Variants in CACNA1C observed in about 807,000 individuals in gnomAD.
The protein encoded by CACNA1C is voltage-dependent L-type calcium channel subunit alpha-1C.
Under a neutral mutation model 229.0 loss-of-function variants are expected in CACNA1C, and 30 were observed. That is an observed-to-expected ratio of 0.13 (90% CI 0.10 to 0.18). The LOEUF is 0.18. Among genes scored for constraint, CACNA1C ranks in the 10% least tolerant of loss-of-function variants. The probability of loss-of-function intolerance (pLI) is 1.00; values close to 1 mark genes in which losing one functional copy is unlikely to be tolerated. For missense variants in CACNA1C, 1,658 were observed against 2,845.0 expected (o/e 0.58, Z 9.49); for synonymous variants, 1,114 against 1,132.5 (o/e 0.98, Z 0.33).
chr12:2,472,683 CT>C (rs1192801609), intron 5 of CACNA1C, among the ~76,000 whole-genome samples: 2 of 152,162 alleles, frequency 1.3e-5, no homozygotes, highest in Admixed American at 6.5e-5. Flanking sequence ...TCTGAACAAT[CT>C]CATTTTTTGT....
Position 2,014,121 on chromosome 12 carries a change from C to T in CACNA1C, c.139+42920C>T, listed in dbSNP as rs775648363. 6.6e-5 allele frequency among the ~76,000 whole-genome samples: 10 copies of T among 152,134 alleles called. 1 individual carries two copies. The highest frequency in any genetic ancestry group is 1.0e-4 in the Non-Finnish European group (7 of 68,030). ...GACCAGGACTGCAGCCAGCCAGGCC[C>T]GTGTTATTAACAGGGCTGGCTCCGT... On this transcript the variant is annotated intron_variant, in intron 1 of 46. Coordinates refer to the CACNA1C transcript ENST00000682462.
intron 3 of CACNA1C, among the ~76,000 whole-genome samples, chr12:2,289,726 C>G (rs2093249586): frequency 6.6e-6 from 1 of 151,906 alleles, no homozygotes; most frequent in Non-Finnish European, 1.5e-5. Flanking sequence ...GGGCAATGAT[C>G]CAAGCTGCCG....
intron 3 of CACNA1C, among the ~76,000 whole-genome samples, chr12:2,183,233 A>G (rs537192416): frequency 6.9e-6 from 1 of 144,802 alleles, no homozygotes; most frequent in South Asian, 2.3e-4. Context: ...GCCACTTAAC[A>G]TAATTCCTGG....
At chr12:2,671,323 T>C (rs886247770) in intron 38 of CACNA1C, among the ~76,000 whole-genome samples, 1 of 152,310 alleles carries the variant, frequency 6.6e-6, no homozygotes, top group East Asian at 1.9e-4. Context: ...AAAACACACA[T>C]TTAATTCACA....
intron 3 of CACNA1C, among the ~76,000 whole-genome samples, chr12:2,366,235 A>C (rs1291444029): frequency 6.6e-6 from 1 of 152,196 alleles, no homozygotes; most frequent in Non-Finnish European, 1.5e-5. Flanking sequence ...TCTGAACTTC[A>C]CTGAACAGGT....
chr12:2,462,654 C>T (rs2099518482), intron 5 of CACNA1C, among the ~76,000 whole-genome samples: 4 of 152,232 alleles, frequency 2.6e-5, no homozygotes, highest in Admixed American at 2.6e-4. Flanking sequence ...CTTCACATCA[C>T]AGGCCCTAAG....
chr12:2,269,178 C>T (rs2083693190), intron 3 of CACNA1C, among the ~76,000 whole-genome samples: 1 of 152,212 alleles, frequency 6.6e-6, no homozygotes, highest in African/African-American at 2.4e-5. Context: ...AGGAAAATGA[C>T]TTCAATATGC....
chr12:2,455,773 T>C (rs1403368471), intron 4 of CACNA1C, among the ~76,000 whole-genome samples: 1 of 152,156 alleles, frequency 6.6e-6, no homozygotes, highest in Non-Finnish European at 1.5e-5. Flanking sequence ...CCACCGCCTG[T>C]TCACTGACCG....
At position 2,022,384 on chromosome 12, in the gene CACNA1C, G is replaced by A. The variant is rs370395714; in HGVS notation, c.139+51183G>A. ...TGTTTCAATGTTTAGTATTAGAAGT[G>A]TTTTGGTCTTTATTTAGAAATTTGG... On this transcript the variant is annotated intron_variant, in intron 1 of 46. Coordinates refer to the CACNA1C transcript ENST00000682462. Among the ~76,000 whole-genome samples, 19 of 151,132 alleles carry A rather than the reference G, an allele frequency of 1.3e-4. No homozygotes were observed. In the East Asian group the frequency reaches 2.3e-3, roughly 18 times the overall value.
At chr12:2,197,555 A>T (rs763036112) in intron 3 of CACNA1C, among the ~76,000 whole-genome samples, 4 of 152,212 alleles carry the variant, frequency 2.6e-5, no homozygotes, top group Non-Finnish European at 5.9e-5. Flanking sequence ...AATTTTACTT[A>T]TTAGTGTTCA....
At chr12:2,401,168 T>C (rs1047293437) in intron 3 of CACNA1C, among the ~76,000 whole-genome samples, 6 of 152,154 alleles carry the variant, frequency 3.9e-5, no homozygotes, top group Admixed American at 2.0e-4. Flanking sequence ...TACTACTGCA[T>C]GTATGTTTTT....
chr12:2,513,094 G>A (rs564874431), intron 9 of CACNA1C, 110 bp downstream of exon 9: 153 of 794,954 alleles, frequency 1.9e-4, no homozygotes, highest in Admixed American at 1.0e-3. Flanking sequence ...CCCACGGGGT[G>A]CCTTCCTGGA....
intron 13 of CACNA1C, among the ~76,000 whole-genome samples, chr12:2,571,154 C>T (rs1029883791): frequency 6.6e-6 from 1 of 152,198 alleles, no homozygotes; most frequent in Non-Finnish European, 1.5e-5. Context: ...GAGACTGAGG[C>T]TTAGAGAGTT....
intron 1 of CACNA1C, among the ~76,000 whole-genome samples, chr12:2,059,452 G>T (rs2056585497): frequency 6.6e-6 from 1 of 152,086 alleles, no homozygotes; most frequent in Non-Finnish European, 1.5e-5. Context: ...CTAGAGGAAG[G>T]GTTCATCTGG....
chr12:2,486,330 C>A lies in CACNA1C; in HGVS notation c.916+68C>A. The A allele has an allele frequency of 1.5e-6, 2 of 1,351,038 alleles. No homozygotes were observed. Among genetic ancestry groups the A allele is most frequent in the Admixed American group, 1.9e-5 (1 of 53,116 alleles). 83.7% of individuals were successfully genotyped at this position (1,351,038 alleles called of 1,614,324 possible). A position where few individuals can be genotyped will look rare whatever the true frequency, so the allele number is the denominator to read the frequency against. ...ATCGCTCCCAGCACCTTTCCCGCTG[C>A]TGGCTACACCAACATGACCAGCAGA... On this transcript the variant is annotated intron_variant, in intron 6 of 46. Transcript: ENST00000399655. The surrounding 1 kb of genome is among the most constrained non-coding windows in gnomAD (Gnocchi z 4.9).
intron 13 of CACNA1C, among the ~76,000 whole-genome samples, chr12:2,572,483 T>C (rs1600587185): frequency 1.5e-4 from 1 of 6,878 alleles, no homozygotes; most frequent in Non-Finnish European, 3.2e-4. Flanking sequence ...CTTCTCCTCT[T>C]CCTCCTCCTC....
At chr12:2,371,753 G>T (rs374090581) in intron 3 of CACNA1C, among the ~76,000 whole-genome samples, 1 of 136,090 alleles carries the variant, frequency 7.3e-6, no homozygotes, top group East Asian at 2.1e-4. Flanking sequence ...TTTTAATCTC[G>T]GACTCTTGGA....
chr12:2,531,138 A>C lies in CACNA1C; in HGVS notation c.1390+18154A>C, dbSNP rs190496389. The stretch of plus-strand genomic sequence containing the variant: ...CCCATATTATCTTTGCCCTCACTTC[A>C]CATTTTCAGATGAGAAAAGTGAGGT... On this transcript the variant is annotated intron_variant, in intron 9 of 46. Transcript: ENST00000399655. Among the ~76,000 whole-genome samples the C allele has an allele frequency of 2.7e-3, 417 of 152,330 alleles. 1 individual carries two copies. Among genetic ancestry groups the C allele is most frequent in the Non-Finnish European group, 4.7e-3 (322 of 68,034 alleles).
chr12:1,989,229 T>C (rs1370410317), intron 1 of CACNA1C, among the ~76,000 whole-genome samples: 1 of 152,080 alleles, frequency 6.6e-6, no homozygotes, highest in African/African-American at 2.4e-5. Flanking sequence ...AAAAAGGTTG[T>C]TTTAAATTAT....
Sources: gnomAD v4.1 joint callset for allele counts (sites outside exome capture counted in the v4.1 genomes callset) on GRCh38, gnomAD v4.1.1 for gene constraint, Gnocchi (gnomAD v3.1) non-coding constraint, MANE v1.5 for transcripts, NCBI Gene and HGNC (gene_info 2026-07-23, HGNC 2026-07-21) for gene names.